The following EXOSC7 variants were observed in gnomAD, a reference collection of about 807,000 sequenced individuals.
EXOSC7 encodes the protein exosome component 7.
EXOSC7 carries 25 observed loss-of-function variants against 34.3 expected under a neutral mutation model. The observed-to-expected ratio is 0.73, with a 90% confidence interval of 0.53 to 1.02. The LOEUF (loss-of-function observed/expected upper bound fraction) is 1.02. EXOSC7 is among the 50% of genes least tolerant of loss of function. EXOSC7 has a pLI of 0.00. For missense variants in EXOSC7, 370 were observed against 368.5 expected (o/e 1.00, Z -0.03); for synonymous variants, 130 against 143.0 (o/e 0.91, Z 0.65).
chr3:44,977,965 T>C (rs1407605620), intron 1 of EXOSC7, among the ~76,000 whole-genome samples: 3 of 152,216 alleles, frequency 2.0e-5, no homozygotes, highest in African/African-American at 7.2e-5. Flanking sequence ...CCCACCATGG[T>C]CATTAGTTAA....
At chr3:45,006,853 A>G (rs1392644894) in intron 6 of EXOSC7, among the ~76,000 whole-genome samples, 3 of 142,506 alleles carry the variant, frequency 2.1e-5, no homozygotes, top group African/African-American at 7.9e-5. Context: ...CCTCCCAAGT[A>G]GCTGGTACCA....
At chr3:45,008,819 C>G (rs1360738335) in intron 7 of EXOSC7, among the ~76,000 whole-genome samples, 1 of 152,230 alleles carries the variant, frequency 6.6e-6, no homozygotes, top group African/African-American at 2.4e-5. Flanking sequence ...CTTCCCCCTC[C>G]CAGGAGAGTT....
At chr3:44,978,083 G>A (rs142644437) in intron 1 of EXOSC7, among the ~76,000 whole-genome samples, 117 of 152,316 alleles carry the variant, frequency 7.7e-4, no homozygotes, top group Non-Finnish European at 1.0e-3. Flanking sequence ...GACAAACAGA[G>A]AGTAAAAGTG....
chr3:44,986,078 G>A lies in EXOSC7; in HGVS notation c.58-3062G>A, dbSNP rs1034887066. Among the ~76,000 whole-genome samples, 8 of 152,286 alleles carry A rather than the reference G, an allele frequency of 5.3e-5. No individual in the cohort carries two copies. In the South Asian group the frequency reaches 8.3e-4, roughly 16 times the overall value. ...AACCAGTGGATCCTGCACTGGGGCCGCAGGTGGAGCTGCCTGCCAGTCCCC... is the reference window on the plus strand; with the variant it reads ...AACCAGTGGATCCTGCACTGGGGCCACAGGTGGAGCTGCCTGCCAGTCCCC... On this transcript the variant is annotated intron_variant, in intron 1 of 7. Coordinates refer to ENST00000265564, the MANE Select transcript of EXOSC7 (RefSeq NM_015004.4).
At chr3:44,993,990 A>G (rs1706644333) in intron 3 of EXOSC7, among the ~76,000 whole-genome samples, 1 of 152,232 alleles carries the variant, frequency 6.6e-6, no homozygotes, top group Non-Finnish European at 1.5e-5. Flanking sequence ...ATGTTAGACT[A>G]TAAACCAAGC....
chr3:44,993,384 C>T (rs1009658785), intron 3 of EXOSC7, among the ~76,000 whole-genome samples: 1 of 152,060 alleles, frequency 6.6e-6, no homozygotes. Context: ...CCCACTAGAT[C>T]ACTTTTTCTG....
rs569591043 is a variant in EXOSC7, at chr3:44,983,117, G to A, written c.58-6023G>A. On this transcript the variant is annotated intron_variant, in intron 1 of 7. Coordinates refer to ENST00000265564, the MANE Select transcript of EXOSC7 (RefSeq NM_015004.4). ...CTTCCAGATGTGTCAGATTGGTAGC[G>A]CCAACTTGTCAGTTTCTATTAAGAA... Among the ~76,000 whole-genome samples the A allele has an allele frequency of 2.6e-5, 4 of 152,268 alleles. No homozygotes were observed. In the South Asian group the frequency reaches 8.3e-4, roughly 32 times the overall value.
chr3:44,984,097 C>T (rs1187472911), intron 1 of EXOSC7, among the ~76,000 whole-genome samples: 1 of 152,144 alleles, frequency 6.6e-6, no homozygotes, highest in Non-Finnish European at 1.5e-5. Flanking sequence ...TTTCTGACAG[C>T]CCACCAGCCC....
chr3:44,980,574 A>G (rs1030134909), intron 1 of EXOSC7, among the ~76,000 whole-genome samples: 3 of 152,186 alleles, frequency 2.0e-5, no homozygotes, highest in African/African-American at 7.2e-5. Flanking sequence ...CTCTGAGGCC[A>G]CCTTCCTGCT....
At position 45,005,327 on chromosome 3, in the gene EXOSC7, GT is replaced by G. The variant is rs781447496; in HGVS notation, c.529del (p.Ser177ArgfsTer16). ...RVRVLEDEEG[S>X]KDIELSDDPY... The stretch of plus-strand genomic sequence containing the variant: ...TTCGAGTTTTGGAGGATGAAGAGGG[GT>G]CGAAGGACATTGAATTGTCAGATGA... On this transcript the variant is annotated frameshift_variant, in exon 6 of 8. Transcript: ENST00000265564. LOFTEE classifies it high-confidence loss of function. 6 of 1,614,120 alleles carry G rather than the reference GT, an allele frequency of 3.7e-6. No homozygotes were observed. Among genetic ancestry groups the G allele is most frequent in the Non-Finnish European group, 5.1e-6 (6 of 1,179,978 alleles).
chr3:44,983,143 G>A (rs754078527), intron 1 of EXOSC7, among the ~76,000 whole-genome samples: 2 of 152,208 alleles, frequency 1.3e-5, no homozygotes, highest in African/African-American at 2.4e-5. Context: ...CTATTAAGAA[G>A]TAATAGGACT....
intron 3 of EXOSC7, among the ~76,000 whole-genome samples, chr3:44,993,884 C>A (rs1431409538): frequency 6.6e-6 from 1 of 152,170 alleles, no homozygotes; most frequent in Non-Finnish European, 1.5e-5. Context: ...CATTCCTTGA[C>A]TCCAACATTT....
intron 1 of EXOSC7, among the ~76,000 whole-genome samples, chr3:44,976,837 A>G (rs1272410451): frequency 6.6e-6 from 1 of 152,190 alleles, no homozygotes; most frequent in African/African-American, 2.4e-5. Context: ...TAATCCCAGC[A>G]CTTTGGGAGG....
At chr3:44,976,434 G>A (rs1490491839) in intron 1 of EXOSC7, 100 bp downstream of exon 1, 1 of 1,043,536 alleles carries the variant, frequency 9.6e-7, no homozygotes, top group East Asian at 3.2e-5. Flanking sequence ...GCCGAGCTGC[G>A]GCGACTCTCC....
rs375250120 is a variant in EXOSC7 at position 44,995,210 on chromosome 3, C to T, written c.255-1877C>T. ...GTTGGTCAGGCTGGTCTCGAACCCC[C>T]GACCTCAGGTGATCCACCCGCCTTG... On this transcript the variant is annotated intron_variant, in intron 3 of 7. Transcript: ENST00000265564. Among the ~76,000 whole-genome samples the T allele has an allele frequency of 1.5e-4, 23 of 152,198 alleles. No homozygotes were observed. In the East Asian group the frequency reaches 2.3e-3, roughly 15 times the overall value.
intron 4 of EXOSC7, 35 bp downstream of exon 4, chr3:44,997,287 C>T: frequency 6.4e-7 from 1 of 1,570,900 alleles, no homozygotes. Flanking sequence ...CCACATTCTA[C>T]CTTTGTTGGA....
chr3:44,982,088 C>G (rs1706285550), intron 1 of EXOSC7, among the ~76,000 whole-genome samples: 1 of 152,148 alleles, frequency 6.6e-6, no homozygotes. Context: ...TCCAGCTTCC[C>G]TTCTTTGTAG....
In EXOSC7 at chr3:44,991,822, G is replaced by A. The variant is rs184105156; in HGVS notation, c.254+2178G>A. On this transcript the variant is annotated intron_variant, in intron 3 of 7. Transcript: ENST00000265564. ...GTGGGTCTCAAAAGGATCCCCACAG[G>A]CCCAAGAGCTCCAGTATCTAGGTAG... Among the ~76,000 whole-genome samples, 490 of 152,220 alleles carry A rather than the reference G, an allele frequency of 3.2e-3. 2 individuals carry two copies. The highest frequency in any genetic ancestry group is 6.7e-3 in the Admixed American group (103 of 15,292).
intron 7 of EXOSC7, among the ~76,000 whole-genome samples, chr3:45,008,716 C>A (rs371594722): frequency 4.1e-4 from 62 of 152,324 alleles, no homozygotes; most frequent in African/African-American, 1.4e-3. Context: ...CCATGAAGCA[C>A]CCTGAGTTCA....
Sources: gnomAD v4.1 joint callset for allele counts (sites outside exome capture counted in the v4.1 genomes callset) on GRCh38, gnomAD v4.1.1 for gene constraint, MANE v1.5 for transcripts, NCBI Gene and HGNC (gene_info 2026-07-23, HGNC 2026-07-21) for gene names.